The following PCDHGB1 variants were observed in gnomAD, a reference collection of about 807,000 sequenced individuals.
PCDHGB1 encodes the protein protocadherin gamma-B1.
Under a neutral mutation model 56.6 loss-of-function variants are expected in PCDHGB1, and 34 were observed. The ratio of observed to expected loss-of-function variants is 0.60; its 90% CI spans 0.46 to 0.80. PCDHGB1 has a LOEUF of 0.80. Ranked by LOEUF, PCDHGB1 falls within the 30% of genes least tolerant of loss-of-function variation. The pLI, the probability that PCDHGB1 is intolerant of heterozygous loss-of-function variation, is 0.00. For missense variants in PCDHGB1, 1,278 were observed against 1,204.6 expected (o/e 1.06, Z -0.90); for synonymous variants, 561 against 505.9 (o/e 1.11, Z -1.46).
At chr5:141,423,248 C>A in intron 1 of PCDHGB1, 1 of 1,613,888 alleles carries the variant, frequency 6.2e-7, no homozygotes, top group Non-Finnish European at 8.5e-7. Context: ...GAAGTCCTGG[C>A]GGACCTCGGC....
chr5:141,393,504 A>T, intron 1 of PCDHGB1: 1 of 1,614,036 alleles, frequency 6.2e-7, no homozygotes. Flanking sequence ...CATCCACGTG[A>T]CAGTGTTGGA....
At chr5:141,423,100 G>A in intron 1 of PCDHGB1, 1 of 1,613,944 alleles carries the variant, frequency 6.2e-7, no homozygotes, top group Non-Finnish European at 8.5e-7. Context: ...GGAGCACACG[G>A]GCGAGGTGCG....
chr5:141,388,848 G>A (rs766706887), intron 1 of PCDHGB1: 6 of 1,613,942 alleles, frequency 3.7e-6, no homozygotes, highest in South Asian at 3.3e-5. Flanking sequence ...AGCAAGGGAC[G>A]GTGGAGGAAT....
At chr5:141,361,087 A>T in intron 1 of PCDHGB1, 1 of 1,614,036 alleles carries the variant, frequency 6.2e-7, no homozygotes, top group Non-Finnish European at 8.5e-7. Flanking sequence ...TTACACTCTG[A>T]GTATCGAAGC....
chr5:141,485,543 G>C lies in PCDHGB1; in HGVS notation c.2410-9264G>C. 1.9e-6 allele frequency: 3 copies of C among 1,614,092 alleles called. No homozygotes were observed. The highest frequency in any genetic ancestry group is 2.5e-6 in the Non-Finnish European group (3 of 1,179,972). On this transcript the variant is annotated intron_variant, in intron 1 of 3. Coordinates refer to ENST00000523390, the MANE Select transcript of PCDHGB1 (RefSeq NM_018922.3). This position sits in a 1 kb window ranked among gnomAD's most constrained non-coding sequence, Gnocchi z 5.7. Reference sequence around the variant, plus strand: ...AATGTACCGAGCAGAGGTAGAGATCGTAGATGTGAATGATCACGCCCCCCG... The same window carrying C: ...AATGTACCGAGCAGAGGTAGAGATCCTAGATGTGAATGATCACGCCCCCCG...
rs755443869 is a variant in PCDHGB1, at chr5:141,362,288, C to G, written c.2409+9619C>G. 6 of 1,614,094 alleles carry G rather than the reference C, an allele frequency of 3.7e-6. No individual in the cohort carries two copies. The South Asian group carries it at 6.6e-5, about 18-fold the overall frequency. The stretch of plus-strand genomic sequence containing the variant: ...GCAATCTCCCTGCGCCTGCGACTCT[C>G]TTCCAGGTCAGATGCTTGGGACTGT... On this transcript the variant is annotated intron_variant, in intron 1 of 3. Transcript: ENST00000523390.
chr5:141,364,405 G>T, intron 1 of PCDHGB1: 1 of 1,609,906 alleles, frequency 6.2e-7, no homozygotes, highest in Non-Finnish European at 8.5e-7. Flanking sequence ...CGCTGTGCGA[G>T]CCAGGATCCG....
chr5:141,439,636 G>A (rs114401133), intron 1 of PCDHGB1, among the ~76,000 whole-genome samples: 27 of 152,206 alleles, frequency 1.8e-4, no homozygotes, highest in Non-Finnish European at 2.9e-4. Context: ...CAGACATTCC[G>A]GCTTGGTGGC....
intron 1 of PCDHGB1, chr5:141,375,182 G>A (rs1194415432): frequency 2.5e-6 from 4 of 1,613,936 alleles, no homozygotes; most frequent in South Asian, 1.1e-5. Flanking sequence ...AACAGTAATC[G>A]CCCTTTTTCA....
At chr5:141,502,697 T>C (rs893610041) in intron 2 of PCDHGB1, among the ~76,000 whole-genome samples, 13 of 152,208 alleles carry the variant, frequency 8.5e-5, no homozygotes, top group African/African-American at 3.1e-4. Context: ...CTTGCCTGTA[T>C]CTGTTTTTAC....
intron 2 of PCDHGB1, among the ~76,000 whole-genome samples, chr5:141,496,748 C>T (rs1382244657): frequency 6.6e-6 from 1 of 152,130 alleles, no homozygotes; most frequent in African/African-American, 2.4e-5. Flanking sequence ...ATTTATTCAA[C>T]AAATATTTAT....
At chr5:141,422,465 G>A in intron 1 of PCDHGB1, 1 of 1,613,508 alleles carries the variant, frequency 6.2e-7, no homozygotes, top group Non-Finnish European at 8.5e-7. Flanking sequence ...GTGCTGGACA[G>A]GGAGTTGGTC....
chr5:141,416,306 G>A (rs1186519939), intron 1 of PCDHGB1: 1 of 152,186 alleles, frequency 6.6e-6, no homozygotes, highest in Non-Finnish European at 1.5e-5. Flanking sequence ...CTATGTGGAA[G>A]ATATAGCATT....
At position 141,489,063 on chromosome 5, in the gene PCDHGB1, C is replaced by A; in HGVS notation, c.2410-5744C>A. ...CTCCACTCAAATTCAGCTCCCCTCC[C>A]CCCTGCCCACCCCCGCCACTCGGTG... On this transcript the variant is annotated intron_variant, in intron 1 of 3. Coordinates refer to ENST00000523390, the MANE Select transcript of PCDHGB1 (RefSeq NM_018922.3). This position sits in a 1 kb window ranked among gnomAD's most constrained non-coding sequence, Gnocchi z 4.5. 2.6e-6 allele frequency: 1 copy of A among 384,986 alleles called. No individual in the cohort carries two copies. Among genetic ancestry groups the A allele is most frequent in the East Asian group, 4.5e-5 (1 of 22,374 alleles). 23.8% of individuals were successfully genotyped at this position (384,986 alleles called of 1,614,324 possible). A position where few individuals can be genotyped will look rare whatever the true frequency, so the allele number is the denominator to read the frequency against.
intron 2 of PCDHGB1, among the ~76,000 whole-genome samples, chr5:141,495,233 A>G (rs1226612093): frequency 1.3e-5 from 2 of 152,196 alleles, no homozygotes; most frequent in African/African-American, 4.8e-5. Flanking sequence ...GCTGGGCTCC[A>G]TTATGACCTG....
chr5:141,362,237 T>C (rs1381834832), intron 1 of PCDHGB1: 3 of 1,614,026 alleles, frequency 1.9e-6, no homozygotes, highest in Non-Finnish European at 2.5e-6. Flanking sequence ...TTGATCTCAG[T>C]GCTCTTCTTC....
chr5:141,361,047 G>C, intron 1 of PCDHGB1: 1 of 1,613,616 alleles, frequency 6.2e-7, no homozygotes, highest in Non-Finnish European at 8.5e-7. Flanking sequence ...TCACGACAAA[G>C]GATGATTTGG....
chr5:141,455,244 T>C (rs977940552), intron 1 of PCDHGB1, among the ~76,000 whole-genome samples: 1 of 152,142 alleles, frequency 6.6e-6, no homozygotes, highest in Admixed American at 6.5e-5. Flanking sequence ...TTAAAGGTCA[T>C]AGTACAATCG....
At chr5:141,408,776 C>A in intron 1 of PCDHGB1, 2 of 1,611,684 alleles carry the variant, frequency 1.2e-6, no homozygotes, top group Non-Finnish European at 1.7e-6. Flanking sequence ...TGGCAAATAC[C>A]CAGAGTTATC....
Sources: gnomAD v4.1 joint callset for allele counts (sites outside exome capture counted in the v4.1 genomes callset) on GRCh38, gnomAD v4.1.1 for gene constraint, Gnocchi (gnomAD v3.1) non-coding constraint, MANE v1.5 for transcripts, NCBI Gene and HGNC (gene_info 2026-07-23, HGNC 2026-07-21) for gene names.